MED12L: variants seen among roughly 807,000 people sequenced by gnomAD.
MED12L encodes mediator of RNA polymerase II transcription subunit 12-like protein.
MED12L carries 60 observed loss-of-function variants against 281.3 expected under a neutral mutation model. That is an observed-to-expected ratio of 0.21 (90% confidence interval 0.17 to 0.26). MED12L has a LOEUF of 0.26. Ranked by LOEUF, MED12L falls within the 10% of genes least tolerant of loss-of-function variation. The pLI is 1.00. For synonymous variants in MED12L, 974 were observed against 987.2 expected, an observed-to-expected ratio of 0.99 and a Z score of 0.25; for missense variants, 2,146 against 2,680.9, an observed-to-expected ratio of 0.80 and a Z score of 4.41.
chr3:151,390,999 C>T (rs1208189332), intron 38 of MED12L, among the ~76,000 whole-genome samples: 1 of 152,170 alleles, frequency 6.6e-6, no homozygotes, highest in East Asian at 1.9e-4. Flanking sequence ...CTCTGTGCCT[C>T]ATTTTGGTCA....
chr3:151,204,513 T>G (rs1227322912), intron 16 of MED12L, among the ~76,000 whole-genome samples: 1 of 152,196 alleles, frequency 6.6e-6, no homozygotes, highest in African/African-American at 2.4e-5. Flanking sequence ...TTCTCAAACA[T>G]TTTATGTTAA....
At chr3:151,424,236 A>G (rs1001868751) in intron 43 of MED12L, among the ~76,000 whole-genome samples, 3 of 152,206 alleles carry the variant, frequency 2.0e-5, no homozygotes, top group Non-Finnish European at 4.4e-5. Context: ...ATTTATAGAA[A>G]GAGGTTGGGG....
chr3:151,198,345 T>TG, intron 16 of MED12L: 26 of 804,784 alleles, frequency 3.2e-5, no homozygotes, highest in Non-Finnish European at 4.1e-5. Context: ...TTTTTTTGTT[T>TG]TTTTTTTTTT....
intron 11 of MED12L, among the ~76,000 whole-genome samples, chr3:151,178,441 A>C (rs1025070857): frequency 2.6e-5 from 4 of 152,156 alleles, no homozygotes; most frequent in Non-Finnish European, 5.9e-5. Flanking sequence ...GAGGCTGTGT[A>C]AGCATTGAGG....
intron 38 of MED12L, among the ~76,000 whole-genome samples, 190 bp from the exon 39 acceptor site, chr3:151,394,466 A>C (rs1714695848): frequency 1.3e-5 from 2 of 151,948 alleles, no homozygotes; most frequent in Non-Finnish European, 2.9e-5. Flanking sequence ...CTTCTACATC[A>C]CTCCCCTCAT....
intron 16 of MED12L, among the ~76,000 whole-genome samples, chr3:151,323,958 C>T (rs995483861): frequency 6.6e-6 from 1 of 152,224 alleles, no homozygotes; most frequent in Admixed American, 6.5e-5. Flanking sequence ...TCTCTCTTCC[C>T]CTCTAAGAAG....
At chr3:151,182,574 G>A (rs182824475) in intron 11 of MED12L, among the ~76,000 whole-genome samples, 11 of 152,110 alleles carry the variant, frequency 7.2e-5, no homozygotes, top group East Asian at 3.9e-4. Context: ...GGTAAGGAAC[G>A]CACTGGAGGG....
At chr3:151,314,952 C>T (rs1300547399) in intron 16 of MED12L, among the ~76,000 whole-genome samples, 4 of 152,158 alleles carry the variant, frequency 2.6e-5, no homozygotes, top group African/African-American at 9.7e-5. Flanking sequence ...GAGTCCTGGG[C>T]TTTCTACTTT....
At chr3:151,371,511 TTCCTC>T (rs1466946381) in intron 26 of MED12L, among the ~76,000 whole-genome samples, 1 of 152,248 alleles carries the variant, frequency 6.6e-6, no homozygotes, top group Non-Finnish European at 1.5e-5. Context: ...ACATTATTTA[TTCCTC>T]TCCTCTGCTT....
At chr3:151,278,131 ATAGT>A (rs1028394701) in intron 16 of MED12L, among the ~76,000 whole-genome samples, 1 of 152,228 alleles carries the variant, frequency 6.6e-6, no homozygotes, top group African/African-American at 2.4e-5. Context: ...TATACCAATT[ATAGT>A]TGTCAAACAA....
At chr3:151,087,757 A>T (rs1222510656) in intron 2 of MED12L, among the ~76,000 whole-genome samples, 1 of 152,206 alleles carries the variant, frequency 6.6e-6, no homozygotes, top group Non-Finnish European at 1.5e-5. Context: ...CATTAGCTTC[A>T]ATGGCTAGGG....
chr3:151,246,061 A>C (rs1180111918), intron 16 of MED12L, among the ~76,000 whole-genome samples: 2 of 151,800 alleles, frequency 1.3e-5, no homozygotes, highest in Admixed American at 1.3e-4. Context: ...TCCAACTTAC[A>C]AGGGATGTGA....
intron 16 of MED12L, among the ~76,000 whole-genome samples, chr3:151,289,325 G>A (rs1343466616): frequency 2.6e-5 from 4 of 152,210 alleles, no homozygotes; most frequent in Non-Finnish European, 5.9e-5. Flanking sequence ...AGGATAAAAT[G>A]TTGGAAGTTG....
rs576131409 is a variant in MED12L at position 151,369,308 on chromosome 3, T to A, written c.3551-128T>A. 322 of 545,348 alleles carry A rather than the reference T, an allele frequency of 5.9e-4. 1 individual carries two copies. In the Middle Eastern group the frequency reaches 6.1e-3, roughly 10 times the overall value. 33.8% of individuals were successfully genotyped at this position (545,348 alleles called of 1,614,324 possible). ...TGTTTCTTAGTGAATCCATGAAGCA[T>A]CAATTAAAGCAAGCTAATGGCAATT... On this transcript the variant is annotated intron_variant, in intron 25 of 44. Transcript: ENST00000687756.
intron 16 of MED12L, among the ~76,000 whole-genome samples, chr3:151,220,471 G>C (rs1490490046): frequency 6.6e-6 from 1 of 152,254 alleles, no homozygotes; most frequent in East Asian, 1.9e-4. Context: ...CACGTGATAT[G>C]GTTTGGCTCT....
chr3:151,402,794 A>G (rs944496096), intron 39 of MED12L, among the ~76,000 whole-genome samples: 1 of 152,208 alleles, frequency 6.6e-6, no homozygotes, highest in Non-Finnish European at 1.5e-5. Flanking sequence ...TATAGGGCCT[A>G]TGTTTTTAAG....
chr3:151,108,538 T>C (rs1229810820), intron 2 of MED12L, among the ~76,000 whole-genome samples: 3 of 152,038 alleles, frequency 2.0e-5, no homozygotes, highest in Admixed American at 6.6e-5. Flanking sequence ...GGCTAGGAAA[T>C]ATAGCTATAA....
At chr3:151,213,551 A>C in intron 16 of MED12L, 1 of 1,614,210 alleles carries the variant, frequency 6.2e-7, no homozygotes. Flanking sequence ...CTCTTTGTGT[A>C]GGGGATTCTG....
At chr3:151,163,859 T>C in intron 8 of MED12L, 34 bp from the exon 9 acceptor site, 29 of 1,596,402 alleles carry the variant, frequency 1.8e-5, no homozygotes, top group Non-Finnish European at 2.5e-5. Flanking sequence ...TTCTCCTTCC[T>C]CTGAACATCC....
Sources: gnomAD v4.1 joint callset for allele counts (sites outside exome capture counted in the v4.1 genomes callset) on GRCh38, gnomAD v4.1.1 for gene constraint, MANE v1.5 for transcripts, NCBI Gene and HGNC (gene_info 2026-07-23, HGNC 2026-07-21) for gene names.